Variants in LMNTD1 observed in about 807,000 individuals in gnomAD.
LMNTD1 encodes the protein lamin tail domain-containing protein 1.
LMNTD1 carries 35 observed loss-of-function variants against 50.9 expected under a neutral mutation model. That is an observed-to-expected ratio of 0.69 (90% CI 0.53 to 0.91). The LOEUF is 0.91. Ranked by LOEUF, LMNTD1 falls within the 40% of genes least tolerant of loss-of-function variation. The pLI is 0.00. For missense variants in LMNTD1, 470 were observed against 475.5 expected (o/e 0.99, Z 0.11); for synonymous variants, 153 against 161.9 (o/e 0.94, Z 0.42).
Position 25,552,914 on chromosome 12 carries a change from T to G in LMNTD1, c.46A>C (p.Asn16His), listed in dbSNP as rs763182695. The stretch of plus-strand genomic sequence containing the variant: ...TTATCTTCCTGCTCATGGACTTTAT[T>G]CTGCATTGCCTTCGAAGCTTCCTGA... ...DIQEASKAMQ[N>H]KVHEQEDKNE... The change falls in exon 2 of 10, where the codon AAT (asparagine) becomes CAT (histidine). Residue 16 changes from asparagine (N) to histidine (H), a missense_variant. By Grantham distance (68) the Asn-to-His change is moderately conservative. Coordinates refer to ENST00000458174, the MANE Select transcript of LMNTD1 (RefSeq NM_001145728.2). 6.4e-7 allele frequency: 1 copy of G among 1,555,276 alleles called. No individual in the cohort carries two copies. The highest frequency in any genetic ancestry group is 1.2e-5 in the South Asian group (1 of 84,646).
chr12:25,535,979 A>G (rs1242825802), intron 4 of LMNTD1, among the ~76,000 whole-genome samples: 2 of 102,406 alleles, frequency 2.0e-5, no homozygotes, highest in East Asian at 5.9e-4. Flanking sequence ...TTGCCAGGAT[A>G]AAGAAAGTCA....
chr12:25,556,218 C>T (rs1247231096), upstream of LMNTD1, among the ~76,000 whole-genome samples: 1 of 152,122 alleles, frequency 6.6e-6, no homozygotes, highest in African/African-American at 2.4e-5. Flanking sequence ...AGTGATTTGC[C>T]TGCCTCGGCT....
chr12:25,490,309 A>G (rs1254423802), intron 9 of LMNTD1, among the ~76,000 whole-genome samples: 2 of 143,332 alleles, frequency 1.4e-5, no homozygotes, highest in African/African-American at 5.0e-5. Flanking sequence ...GGGTCTATTG[A>G]CCATAATATT....
intron 1 of LMNTD1, among the ~76,000 whole-genome samples, chr12:25,609,943 C>T (rs1258571526): frequency 6.6e-6 from 1 of 152,262 alleles, no homozygotes; most frequent in East Asian, 1.9e-4. Flanking sequence ...ATGCCCAGCC[C>T]CCAGAGGTGG....
At chr12:25,605,940 A>T (rs1946090236) in intron 1 of LMNTD1, among the ~76,000 whole-genome samples, 1 of 152,196 alleles carries the variant, frequency 6.6e-6, no homozygotes, top group Non-Finnish European at 1.5e-5. Flanking sequence ...GGCCATTTTC[A>T]CAATATTGAT....
Position 25,566,937 on chromosome 12 carries a change from G to A in LMNTD1, c.59-20383C>T, listed in dbSNP as rs539990693. ...GTAAATAGAAACATCTCCCTTGTGT[G>A]CAAATGAGAGAATGGAAGAAATTGG... On this transcript the variant is annotated intron_variant, in intron 1 of 7. Transcript: ENST00000445693. Among the ~76,000 whole-genome samples the A allele has an allele frequency of 1.2e-4, 19 of 152,314 alleles. No individual in the cohort carries two copies. The South Asian group carries it at 3.9e-3, about 32-fold the overall frequency.
chr12:25,607,680 T>C (rs988773757), intron 1 of LMNTD1, among the ~76,000 whole-genome samples: 1 of 152,256 alleles, frequency 6.6e-6, no homozygotes, highest in Non-Finnish European at 1.5e-5. Flanking sequence ...CTAATTTGAT[T>C]GCACTGTGGT....
At chr12:25,521,181 AT>A in intron 6 of LMNTD1, among the ~76,000 whole-genome samples, 1 of 151,634 alleles carries the variant, frequency 6.6e-6, no homozygotes, top group Non-Finnish European at 1.5e-5. Flanking sequence ...TATTTTGTTA[AT>A]TGTTTCCTTT....
chr12:25,583,209 A>G (rs1337785083), intron 1 of LMNTD1, among the ~76,000 whole-genome samples: 1 of 70,580 alleles, frequency 1.4e-5, no homozygotes, highest in Non-Finnish European at 3.3e-5. Flanking sequence ...TTGTATTTTT[A>G]GTAGAGACGG....
intron 1 of LMNTD1, among the ~76,000 whole-genome samples, chr12:25,602,328 C>G (rs530324142): frequency 6.6e-6 from 1 of 151,982 alleles, no homozygotes; most frequent in African/African-American, 2.4e-5. Context: ...GAAAAAAAAC[C>G]TCAACCTTCC....
At chr12:25,517,985 A>C (rs532175134) in intron 8 of LMNTD1, among the ~76,000 whole-genome samples, 1 of 152,254 alleles carries the variant, frequency 6.6e-6, no homozygotes, top group Admixed American at 6.5e-5. Flanking sequence ...GGAAATTGCT[A>C]CATCCTCCTC....
chr12:25,505,608 C>T (rs1033796178), intron 8 of LMNTD1, among the ~76,000 whole-genome samples: 3 of 151,620 alleles, frequency 2.0e-5, no homozygotes, highest in East Asian at 3.9e-4. Flanking sequence ...TTTGAATATA[C>T]GATGCAGTAA....
chr12:25,574,815 A>T (rs1277937372), intron 1 of LMNTD1, among the ~76,000 whole-genome samples: 2 of 152,204 alleles, frequency 1.3e-5, no homozygotes, highest in African/African-American at 4.8e-5. Context: ...AAGTATTTGC[A>T]AAAAGAAGGA....
intron 1 of LMNTD1, among the ~76,000 whole-genome samples, chr12:25,561,044 C>A (rs1944288402): frequency 6.6e-6 from 1 of 152,104 alleles, no homozygotes; most frequent in African/African-American, 2.4e-5. Context: ...TGCCCGATTG[C>A]CTTGGCCAGA....
At chr12:25,582,428 T>C (rs1375308845) in intron 1 of LMNTD1, 1 of 152,226 alleles carries the variant, frequency 6.6e-6, no homozygotes, top group Non-Finnish European at 1.5e-5. Context: ...TCACTTTAGA[T>C]AAGTCTGTCT....
intron 1 of LMNTD1, among the ~76,000 whole-genome samples, chr12:25,620,750 T>C (rs1946455772): frequency 6.6e-6 from 1 of 152,226 alleles, no homozygotes; most frequent in Non-Finnish European, 1.5e-5. Context: ...AAGCCTCCTG[T>C]GGATTGTACT....
intron 9 of LMNTD1, among the ~76,000 whole-genome samples, chr12:25,490,408 G>A (rs1054661352): frequency 6.6e-6 from 1 of 151,934 alleles, no homozygotes; most frequent in Non-Finnish European, 1.5e-5. Context: ...ATCTGAACAA[G>A]GTATATACTC....
At chr12:25,539,399 T>G (rs1023982430) in intron 4 of LMNTD1, among the ~76,000 whole-genome samples, 35 of 151,902 alleles carry the variant, frequency 2.3e-4, no homozygotes, top group Middle Eastern at 3.4e-3. Flanking sequence ...GCAATCAAAC[T>G]AGAACTCAGG....
At chr12:25,550,056 A>C (rs1591990488) in intron 2 of LMNTD1, among the ~76,000 whole-genome samples, 2 of 152,134 alleles carry the variant, frequency 1.3e-5, no homozygotes, top group East Asian at 3.8e-4. Flanking sequence ...TTTCTATATT[A>C]ATTAAGATTG....
Sources: gnomAD v4.1 joint callset for allele counts (sites outside exome capture counted in the v4.1 genomes callset) on GRCh38, gnomAD v4.1.1 for gene constraint, MANE v1.5 for transcripts, NCBI Gene and HGNC (gene_info 2026-07-23, HGNC 2026-07-21) for gene names.